GPT2: variants seen among roughly 807,000 people sequenced by gnomAD.
The protein encoded by GPT2 is glutamic--pyruvic transaminase 2.
GPT2 carries 30 observed loss-of-function variants against 56.9 expected under a neutral mutation model. That is an observed-to-expected ratio of 0.53 (90% CI 0.39 to 0.72). GPT2 has a LOEUF of 0.72. Ranked by LOEUF, GPT2 falls within the 30% of genes least tolerant of loss-of-function variation. The pLI, the probability that GPT2 is intolerant of heterozygous loss-of-function variation, is 0.00. For synonymous variants in GPT2, 271 were observed against 283.1 expected (o/e 0.96, Z 0.43); for missense variants, 542 against 703.4 (o/e 0.77, Z 2.60).
At chr16:46,918,806 C>CAA (rs1370331472) in intron 8 of GPT2, 49 bp downstream of exon 8, 1 of 1,603,998 alleles carries the variant, frequency 6.2e-7, no homozygotes, top group Non-Finnish European at 8.5e-7. Flanking sequence ...GCCAGATCCT[C>CAA]ACGCTGCCGG....
intron 2 of GPT2, among the ~76,000 whole-genome samples, chr16:46,894,622 C>A (rs1960647559): frequency 6.6e-6 from 1 of 152,098 alleles, no homozygotes; most frequent in East Asian, 1.9e-4. Flanking sequence ...GGCAGTGCTG[C>A]CCTGGCTCTC....
At chr16:46,909,525 G>T (rs115328011) in intron 5 of GPT2, among the ~76,000 whole-genome samples, 159 bp from the exon 6 acceptor site, 1 of 152,108 alleles carries the variant, frequency 6.6e-6, no homozygotes, top group Admixed American at 6.5e-5. Flanking sequence ...CTTACTCCTC[G>T]CAGCTGCCCT....
intron 5 of GPT2, among the ~76,000 whole-genome samples, chr16:46,908,301 T>C (rs1185820226): frequency 1.4e-5 from 2 of 146,452 alleles, no homozygotes; most frequent in African/African-American, 2.5e-5. Context: ...TTTGGGGGAC[T>C]GGTGGGGCCT....
At chr16:46,885,060 C>G (rs1280710196) in intron 2 of GPT2, 102 bp downstream of exon 2, 1 of 1,358,620 alleles carries the variant, frequency 7.4e-7, no homozygotes, top group Non-Finnish European at 9.5e-7. Context: ...CCCCCATGGC[C>G]AGCTCCTCAG....
intron 2 of GPT2, chr16:46,885,303 G>A: frequency 2.1e-6 from 2 of 963,140 alleles, no homozygotes; most frequent in Non-Finnish European, 2.5e-6. Context: ...AGAAGCAATA[G>A]AGTCTCAGTG....
chr16:46,892,934 A>C (rs991971694), intron 2 of GPT2, among the ~76,000 whole-genome samples: 3 of 152,238 alleles, frequency 2.0e-5, no homozygotes, highest in African/African-American at 4.8e-5. Context: ...TAAATGGCGT[A>C]GTATTTGCAT....
intron 2 of GPT2, among the ~76,000 whole-genome samples, chr16:46,892,490 TTTTTCGAGGAACCTCCATACTG>T (rs1960604070): frequency 6.6e-6 from 1 of 152,184 alleles, no homozygotes; most frequent in South Asian, 2.1e-4. Context: ...CTATTTTTAA[TTTTTCGAGGAACCTCCATACTG>T]TTTTCCATAA....
intron 2 of GPT2, among the ~76,000 whole-genome samples, chr16:46,894,357 C>A (rs1242387909): frequency 6.6e-6 from 1 of 152,240 alleles, no homozygotes; most frequent in Non-Finnish European, 1.5e-5. Flanking sequence ...TGGGCTGTAT[C>A]CACATCCCAG....
At chr16:46,908,201 G>A (rs1960975866) in intron 5 of GPT2, among the ~76,000 whole-genome samples, 2 of 150,656 alleles carry the variant, frequency 1.3e-5, no homozygotes, top group Admixed American at 1.3e-4. Context: ...TGCAGTCCTG[G>A]GCTTGGGGAA....
intron 9 of GPT2, 144 bp downstream of exon 9, chr16:46,922,560 C>CA: frequency 5.7e-6 from 4 of 706,450 alleles, no homozygotes; most frequent in African/African-American, 1.8e-5. Flanking sequence ...TCTTCAGAGC[C>CA]TGAACCACCC....
intron 11 of GPT2, among the ~76,000 whole-genome samples, chr16:46,928,367 G>A (rs1961459635): frequency 6.6e-6 from 1 of 151,954 alleles, no homozygotes; most frequent in African/African-American, 2.4e-5. Flanking sequence ...GCTCATGCCT[G>A]TAATCCCAGC....
Position 46,900,580 on chromosome 16 carries a change from C to T in GPT2, c.334-102C>T, listed in dbSNP as rs565473469. 8.2e-6 allele frequency: 7 copies of T among 857,558 alleles called. No homozygotes were observed. In the East Asian group the frequency reaches 1.7e-4, roughly 21 times the overall value. 53.1% of individuals were successfully genotyped at this position (857,558 alleles called of 1,614,324 possible). ...GTCCTCGCAGAGAGGCTTGCGTCAG[C>T]CCCATCCCTGGGAGCTGTCATCCTC... On this transcript the variant is annotated intron_variant, in intron 3 of 11. Coordinates refer to ENST00000340124, the MANE Select transcript of GPT2 (RefSeq NM_133443.4).
At position 46,910,032 on chromosome 16, in the gene GPT2, G is replaced by C. The variant is rs373695741; in HGVS notation, c.820+105G>C. Reference sequence around the variant, plus strand: ...TAATTGGAGGGTCTCTCTGCCCCTAGTTTCCCTTCCAGATTTGCTAACCTA... The same window carrying C: ...TAATTGGAGGGTCTCTCTGCCCCTACTTTCCCTTCCAGATTTGCTAACCTA... On this transcript the variant is annotated intron_variant, in intron 6 of 11. Coordinates refer to ENST00000340124, the MANE Select transcript of GPT2 (RefSeq NM_133443.4). 2.8e-6 allele frequency: 4 copies of C among 1,403,764 alleles called. No homozygotes were observed. The East Asian group carries it at 9.3e-5, about 33-fold the overall frequency. The allele number at this position is 1,403,764 out of a possible 1,614,324, so 87.0% of individuals were successfully genotyped here.
chr16:46,890,118 C>G lies in GPT2; in HGVS notation c.243+5160C>G, dbSNP rs1960558513. ...AGCCCTGGAGGCTCTTGCCTGCACT[C>G]TCAGTCACAGACGTGTGTAGCTGCA... On this transcript the variant is annotated intron_variant, in intron 2 of 11. Coordinates refer to ENST00000340124, the MANE Select transcript of GPT2 (RefSeq NM_133443.4). Among the ~76,000 whole-genome samples the G allele has an allele frequency of 2.0e-5, 3 of 152,366 alleles. No individual in the cohort carries two copies. The South Asian group carries it at 6.2e-4, about 32-fold the overall frequency.
intron 3 of GPT2, among the ~76,000 whole-genome samples, 164 bp from the exon 4 acceptor site, chr16:46,900,518 C>T (rs905015596): frequency 7.9e-5 from 12 of 152,292 alleles, no homozygotes; most frequent in African/African-American, 2.9e-4. Context: ...GAGAGCCCAG[C>T]GTCTTCCCCT....
At chr16:46,916,434 T>C (rs893654453) in intron 6 of GPT2, 194 bp from the exon 7 acceptor site, 1 of 593,656 alleles carries the variant, frequency 1.7e-6, no homozygotes, top group African/African-American at 1.8e-5. Context: ...ACACACAGGC[T>C]GCTCTTCTGG....
At chr16:46,888,098 G>A (rs1960519976) in intron 2 of GPT2, among the ~76,000 whole-genome samples, 1 of 152,222 alleles carries the variant, frequency 6.6e-6, no homozygotes, top group Non-Finnish European at 1.5e-5. Flanking sequence ...GGGGGTTGGG[G>A]ATTGGTACAA....
chr16:46,898,282 C>T (rs1002575435), intron 3 of GPT2, among the ~76,000 whole-genome samples: 2 of 152,182 alleles, frequency 1.3e-5, no homozygotes, highest in African/African-American at 2.4e-5. Context: ...AGATTGGGGA[C>T]GGCCACTGTG....
chr16:46,926,109 C>A (rs1474315085), intron 10 of GPT2, among the ~76,000 whole-genome samples: 5 of 123,056 alleles, frequency 4.1e-5, no homozygotes, highest in African/African-American at 1.3e-4. Context: ...CCATCCTGGG[C>A]GACAGAGTGA....
Sources: allele counts gnomAD v4.1 joint callset (sites outside exome capture counted in the v4.1 genomes callset), GRCh38; gene constraint gnomAD v4.1.1; transcripts MANE v1.5; gene names NCBI Gene and HGNC (gene_info 2026-07-23, HGNC 2026-07-21).